The following CBLC variants were observed in gnomAD, a reference collection of about 807,000 sequenced individuals.
CBLC encodes the protein Cbl proto-oncogene C.
Under a neutral mutation model 58.6 loss-of-function variants are expected in CBLC, and 46 were observed. The observed-to-expected ratio is 0.79, with a 90% CI of 0.62 to 1.00. The LOEUF (loss-of-function observed/expected upper bound fraction) is 1.00, where lower values mean the gene tolerates loss of function less well. Among genes scored for constraint, CBLC ranks in the 50% least tolerant of loss-of-function variants. The probability of loss-of-function intolerance (pLI) is 0.00; values close to 1 mark genes in which losing one functional copy is unlikely to be tolerated. For missense variants in CBLC, 655 were observed against 625.8 expected (o/e 1.05, Z -0.50); for synonymous variants, 271 against 264.2 (o/e 1.03, Z -0.25).
intron 6 of CBLC, among the ~76,000 whole-genome samples, chr19:44,790,870 T>G (rs575024979): frequency 2.0e-5 from 3 of 152,190 alleles, no homozygotes; most frequent in Admixed American, 6.6e-5. Flanking sequence ...AGCACTTTGG[T>G]AGGCCGAGGC....
intron 4 of CBLC, among the ~76,000 whole-genome samples, chr19:44,783,021 G>C (rs563163247): frequency 1.3e-5 from 2 of 152,214 alleles, no homozygotes; most frequent in African/African-American, 4.8e-5. Context: ...CATTCTTCCA[G>C]TTACACTTCA....
At chr19:44,793,363 C>T in intron 7 of CBLC, 111 bp from the exon 8 acceptor site, 1 of 1,201,354 alleles carries the variant, frequency 8.3e-7, no homozygotes, top group African/African-American at 1.5e-5. Flanking sequence ...GTCTCCCTTC[C>T]TCTGTCTGTC....
At chr19:44,780,061 T>G (rs1179602124) in intron 1 of CBLC, among the ~76,000 whole-genome samples, 1 of 152,130 alleles carries the variant, frequency 6.6e-6, no homozygotes, top group Non-Finnish European at 1.5e-5. Flanking sequence ...TACCTGTAGG[T>G]AGAACCACTG....
intron 9 of CBLC, among the ~76,000 whole-genome samples, chr19:44,796,627 C>T (rs890814044): frequency 3.3e-5 from 5 of 151,986 alleles, no homozygotes; most frequent in East Asian, 1.9e-4. Flanking sequence ...TCAGGTGATC[C>T]GCCTGCCTCG....
Position 44,778,163 on chromosome 19 carries a change from G to C in CBLC, c.232G>C (p.Asp78His). The C allele has an allele frequency of 6.4e-7, 1 of 1,563,842 alleles. No individual in the cohort carries two copies. Among genetic ancestry groups the C allele is most frequent in the Non-Finnish European group, 8.6e-7 (1 of 1,159,208 alleles). Reference sequence around the variant, plus strand: ...CCCCGGGGGTCCCGGCGGCTCTGGGGACTTTCTACTCATCTACCTGGCCAA... The same window carrying C: ...CCCCGGGGGTCCCGGCGGCTCTGGGCACTTTCTACTCATCTACCTGGCCAA... Reference protein sequence around the residue: ...GGPGGPGGSGDFLLIYLANLE... With the variant: ...GGPGGPGGSGHFLLIYLANLE... Residue 78 changes from aspartate to histidine, a missense_variant, in exon 1 of 11, where the codon GAC becomes CAC. Transcript: ENST00000647358.
intron 9 of CBLC, 40 bp from the exon 10 acceptor site, chr19:44,800,341 G>T (rs774463936): frequency 2.2e-6 from 3 of 1,390,594 alleles, no homozygotes; most frequent in Non-Finnish European, 3.1e-6. Context: ...AAGATTGGAT[G>T]CCGGGAATCA....
chr19:44,778,126 C>T lies in CBLC; in HGVS notation c.195C>T (p.Ala65=), dbSNP rs1357457408. ...AGGTGGCCCATTCTCGGCGGGCGGC[C>T]GGCGGAGGCGGCCCCGGGGGTCCCG... ...LREVAHSRRA[A]GGGGPGGPGG... The change falls in exon 1 of 11, where the codon GCC becomes GCT. Residue 65 remains alanine, a synonymous_variant. Coordinates refer to ENST00000647358, the MANE Select transcript of CBLC (RefSeq NM_012116.4). The T allele has an allele frequency of 3.1e-6, 5 of 1,596,222 alleles. No individual in the cohort carries two copies. In the Admixed American group the frequency reaches 5.2e-5, roughly 17 times the overall value.
Position 44,784,336 on chromosome 19 carries a change from C to T in CBLC, c.852C>T (p.Ile284=). Residue 284 remains isoleucine (I), a synonymous_variant, in exon 5 of 11, where the codon ATC becomes ATT. Transcript: ENST00000647358. ...GCTATGTGAGCTCAGATGGCAGCATCCTGCAGACCATCCCTGCCAACAAAC... is the reference window on the plus strand; with the variant it reads ...GCTATGTGAGCTCAGATGGCAGCATTCTGCAGACCATCCCTGCCAACAAAC... ...AIGYVSSDGS[I]LQTIPANKPL... 6.2e-7 allele frequency: 1 copy of T among 1,602,786 alleles called. No individual in the cohort carries two copies. Among genetic ancestry groups the T allele is most frequent in the Non-Finnish European group, 8.5e-7 (1 of 1,170,944 alleles).
In CBLC at chr19:44,781,051, G is replaced by A. The variant is rs201807125; in HGVS notation, c.500G>A (p.Arg167Gln). ...HTFWRESCGARCVLPWAEFES... is the reference protein window; with the variant it reads ...HTFWRESCGAQCVLPWAEFES... Reference sequence around the variant, plus strand: ...TTCTGGAGGGAAAGTTGCGGAGCCCGGTGAGTAAGCCCTTGTCCTCAGCTC... The same window carrying A: ...TTCTGGAGGGAAAGTTGCGGAGCCCAGTGAGTAAGCCCTTGTCCTCAGCTC... The change falls in exon 2 of 11, where the codon CGG (arginine) becomes CAG (glutamine). Residue 167 changes from arginine to glutamine, a missense_variant and splice_region_variant. By Grantham distance (43) the Arg-to-Gln change is conservative (BLOSUM62 1). Transcript: ENST00000647358. 12 of 1,611,130 alleles carry A rather than the reference G, an allele frequency of 7.4e-6. No individual in the cohort carries two copies. The highest frequency in any genetic ancestry group is 4.5e-5 in the East Asian group (2 of 44,866).
chr19:44,793,586 G>A lies in CBLC; in HGVS notation c.1250G>A (p.Ser417Asn). ...ACTGCTGAGGACTCAGGGAACAGCA[G>A]TGACCAGGAAGGCAGGGAGTTGGAG... ...QATAEDSGNSSDQEGRELELG... is the reference protein window; with the variant it reads ...QATAEDSGNSNDQEGRELELG... Residue 417 changes from serine (S) to asparagine (N), a missense_variant, in exon 8 of 11, where the codon AGT (serine) becomes AAT (asparagine). Transcript: ENST00000647358. 1.2e-6 allele frequency: 2 copies of A among 1,606,252 alleles called. No individual in the cohort carries two copies. The highest frequency in any genetic ancestry group is 1.7e-4 in the Middle Eastern group (1 of 6,056).
At chr19:44,794,762 C>T (rs1265899467) in intron 9 of CBLC, among the ~76,000 whole-genome samples, 1 of 151,998 alleles carries the variant, frequency 6.6e-6, no homozygotes, top group South Asian at 2.1e-4. Context: ...TGCGCCTGGC[C>T]TCAAGGACTT....
rs751449455 is a variant in CBLC, at chr19:44,790,083, G to A, written c.997G>A (p.Val333Met). 5.6e-6 allele frequency: 9 copies of A among 1,613,378 alleles called. No homozygotes were observed. Among genetic ancestry groups the A allele is most frequent in the South Asian group, 3.3e-5 (3 of 91,070 alleles). Residue 333 changes from valine (V) to methionine (M), a missense_variant, in exon 6 of 11, where the codon GTG (valine) becomes ATG (methionine). Val to Met is a conservative substitution (Grantham distance 21, BLOSUM62 1). Coordinates refer to ENST00000647358, the MANE Select transcript of CBLC (RefSeq NM_012116.4). Reference sequence around the variant, plus strand: ...GGCAGAACCCCAGCAGCGCATCCACGTGTCAGAGGTGAGACCCGCACCTGC... The same window carrying A: ...GGCAGAACCCCAGCAGCGCATCCACATGTCAGAGGTGAGACCCGCACCTGC... Reference protein sequence around the residue: ...GQAEPQQRIHVSEEQLQLYWA... With the variant: ...GQAEPQQRIHMSEEQLQLYWA...
rs572998027 is a variant in CBLC at position 44,793,421 on chromosome 19, G to A, written c.1138-53G>A. On this transcript the variant is annotated intron_variant, in intron 7 of 10. Coordinates refer to ENST00000647358, the MANE Select transcript of CBLC (RefSeq NM_012116.4). Reference sequence around the variant, plus strand: ...CGGGGAGCTCCTCGTTGGCCCAAGGGACAGGATGGAGAGCAGGGGAGCACT... The same window carrying A: ...CGGGGAGCTCCTCGTTGGCCCAAGGAACAGGATGGAGAGCAGGGGAGCACT... The A allele has an allele frequency of 2.6e-6, 4 of 1,525,294 alleles. No homozygotes were observed. The East Asian group carries it at 9.3e-5, about 36-fold the overall frequency. 94.5% of individuals were successfully genotyped at this position (1,525,294 alleles called of 1,614,324 possible).
At chr19:44,798,538 A>AC (rs1443193372) in intron 9 of CBLC, among the ~76,000 whole-genome samples, 11 of 152,058 alleles carry the variant, frequency 7.2e-5, no homozygotes, top group Admixed American at 5.2e-4. Context: ...ACATGGTGAA[A>AC]CCCCGTCTCT....
chr19:44,780,104 A>G (rs556138888), intron 1 of CBLC, among the ~76,000 whole-genome samples: 137 of 152,062 alleles, frequency 9.0e-4, no homozygotes, highest in Non-Finnish European at 1.6e-3. Flanking sequence ...CCCTTAATAT[A>G]TAGGAGAGCT....
chr19:44,800,272 C>T (rs1968266536), intron 9 of CBLC, 109 bp from the exon 10 acceptor site: 1 of 741,998 alleles, frequency 1.3e-6, no homozygotes, highest in Non-Finnish European at 2.4e-6. Context: ...CTCCAGCCCC[C>T]AGGTGGTCTG....
chr19:44,782,016 A>G (rs1967759769), intron 3 of CBLC, among the ~76,000 whole-genome samples: 1 of 113,406 alleles, frequency 8.8e-6, no homozygotes, highest in African/African-American at 3.8e-5. Flanking sequence ...GGAGACCTGG[A>G]CTCCAGGGTC....
In CBLC at chr19:44,780,907, G is replaced by A. The variant is rs201563104; in HGVS notation, c.356G>A (p.Arg119Gln). 1.6e-4 allele frequency: 261 copies of A among 1,611,818 alleles called. 1 individual carries two copies. The highest frequency in any genetic ancestry group is 2.0e-4 in the Non-Finnish European group (237 of 1,179,916). ...AGAGTCCTTGCCCATCCCCACAGGC[G>A]ACAGCTGGCCAAGCTGGCCATCATC... The part of the protein sequence containing the change: ...ELFRAGSRLR[R>Q]QLAKLAIIFS... Residue 119 changes from arginine to glutamine, a missense_variant and splice_region_variant, in exon 2 of 11, where the codon CGA becomes CAA. By Grantham distance (43) the Arg-to-Gln change is conservative. Coordinates refer to ENST00000647358, the MANE Select transcript of CBLC (RefSeq NM_012116.4).
At chr19:44,796,184 C>T (rs1027911270) in intron 9 of CBLC, among the ~76,000 whole-genome samples, 21 of 152,002 alleles carry the variant, frequency 1.4e-4, no homozygotes, top group Non-Finnish European at 2.2e-4. Flanking sequence ...CACTGCACTC[C>T]AGCCTGGATG....
Sources: gnomAD v4.1 joint callset for allele counts (sites outside exome capture counted in the v4.1 genomes callset) on GRCh38, gnomAD v4.1.1 for gene constraint, MANE v1.5 for transcripts, NCBI Gene and HGNC (gene_info 2026-07-23, HGNC 2026-07-21) for gene names.